The following KIF3A variants were observed in gnomAD, a reference collection of about 807,000 sequenced individuals.
KIF3A encodes kinesin-like protein KIF3A.
KIF3A carries 27 observed loss-of-function variants against 92.6 expected under a neutral mutation model. That is an observed-to-expected ratio of 0.29 (90% CI 0.21 to 0.40). The LOEUF (loss-of-function observed/expected upper bound fraction) is 0.40, where lower values mean the gene tolerates loss of function less well. Ranked by LOEUF, KIF3A falls within the 10% of genes least tolerant of loss-of-function variation. KIF3A has a pLI of 1.00. For synonymous variants in KIF3A, 250 were observed against 275.4 expected, an observed-to-expected ratio of 0.91 and a Z score of 0.92; for missense variants, 581 against 872.6, an observed-to-expected ratio of 0.67 and a Z score of 4.21.
intron 8 of KIF3A, among the ~76,000 whole-genome samples, chr5:132,714,177 G>A (rs958029122): frequency 3.3e-5 from 5 of 152,138 alleles, no homozygotes; most frequent in Admixed American, 6.5e-5. Flanking sequence ...GATTACAAGC[G>A]TGAGCCACTG....
In KIF3A at chr5:132,737,524, C is replaced by A; in HGVS notation, c.-105G>T. 1 of 1,354,954 alleles carries A rather than the reference C, an allele frequency of 7.4e-7. No homozygotes were observed. The allele number at this position is 1,354,954 out of a possible 1,614,324, so 83.9% of individuals were successfully genotyped here. ...AGAGACTACCGAAACACCTCGTTGA[C>A]GCTCTCGAGACTGCGGCTTCTCGGG... On this transcript the variant is annotated 5_prime_UTR_variant, in exon 1 of 19. Coordinates refer to ENST00000403231, the MANE Select transcript of KIF3A (RefSeq NM_001300791.2).
At position 132,695,172 on chromosome 5, in the gene KIF3A, A is replaced by G. The variant is rs1260055645; in HGVS notation, c.*1462T>C. The G allele has an allele frequency of 2.0e-5, 3 of 152,074 alleles. No homozygotes were observed. Among genetic ancestry groups the G allele is most frequent in the African/African-American group, 7.2e-5 (3 of 41,422 alleles). 9.4% of individuals were successfully genotyped at this position (152,074 alleles called of 1,614,324 possible). ...TTAGGAGTAGCATAACTTTATTTTT[A>G]TTTTATTTTTATTTTTTGAGGTGGA... On this transcript the variant is annotated 3_prime_UTR_variant, in exon 19 of 19. Coordinates refer to ENST00000403231, the MANE Select transcript of KIF3A (RefSeq NM_001300791.2).
At chr5:132,736,245 T>C (rs1053564982) in intron 1 of KIF3A, among the ~76,000 whole-genome samples, 1 of 152,228 alleles carries the variant, frequency 6.6e-6, no homozygotes, top group Non-Finnish European at 1.5e-5. Context: ...GTTCATAGTA[T>C]TTAAAGAGCT....
downstream of KIF3A, among the ~76,000 whole-genome samples, chr5:132,690,874 C>G (rs1752646538): frequency 6.6e-6 from 1 of 152,052 alleles, no homozygotes; most frequent in Non-Finnish European, 1.5e-5. Context: ...TTGCAGTGAG[C>G]TGAAATCGTG....
intron 2 of KIF3A, among the ~76,000 whole-genome samples, chr5:132,731,267 AT>A (rs981160919): frequency 6.6e-6 from 1 of 152,170 alleles, no homozygotes; most frequent in African/African-American, 2.4e-5. Context: ...GGATGCCAAA[AT>A]TTTTTTAATT....
At position 132,727,950 on chromosome 5, in the gene KIF3A, G is replaced by T. The variant is rs557065404; in HGVS notation, c.281-1452C>A. Reference sequence around the variant, plus strand: ...CATAACACACTTTTCAGACTTTTCCGTGAAAATAAATGAATCATACCAGAA... The same window carrying T: ...CATAACACACTTTTCAGACTTTTCCTTGAAAATAAATGAATCATACCAGAA... On this transcript the variant is annotated intron_variant, in intron 2 of 18. Transcript: ENST00000403231. Among the ~76,000 whole-genome samples the T allele has an allele frequency of 4.6e-5, 7 of 152,010 alleles. No homozygotes were observed. The East Asian group carries it at 9.7e-4, about 21-fold the overall frequency.
chr5:132,722,782 T>G (rs529930064), intron 4 of KIF3A, among the ~76,000 whole-genome samples: 1 of 152,194 alleles, frequency 6.6e-6, no homozygotes, highest in African/African-American at 2.4e-5. Context: ...TAAAAGACCA[T>G]GTCATTGGCA....
intron 1 of KIF3A, 52 bp downstream of exon 1, chr5:132,737,362 G>A (rs1052370105): frequency 3.2e-6 from 5 of 1,579,050 alleles, no homozygotes; most frequent in Non-Finnish European, 4.3e-6. Flanking sequence ...GCGCCCCCGG[G>A]CCAGGCCGCT....
intron 4 of KIF3A, among the ~76,000 whole-genome samples, chr5:132,721,166 T>G (rs1172613998): frequency 6.6e-6 from 1 of 152,066 alleles, no homozygotes; most frequent in Non-Finnish European, 1.5e-5. Flanking sequence ...GAAAAATAGG[T>G]GAGATATCTG....
downstream of KIF3A, among the ~76,000 whole-genome samples, chr5:132,690,102 G>C (rs774221366): frequency 9.9e-5 from 15 of 152,180 alleles, no homozygotes; most frequent in Admixed American, 2.6e-4. Flanking sequence ...TGTAGTACCA[G>C]CTACTTGGCA....
Position 132,733,216 on chromosome 5 carries a change from T to C in KIF3A, c.280+989A>G, listed in dbSNP as rs185319656. 3.7e-4 allele frequency among the ~76,000 whole-genome samples: 56 copies of C among 152,276 alleles called. No individual in the cohort carries two copies. The East Asian group carries it at 4.6e-3, about 13-fold the overall frequency. On this transcript the variant is annotated intron_variant, in intron 2 of 18. Transcript: ENST00000403231. ...AGACAGCGGTGACAGCTGTACGACA[T>C]TGTAAATGTACCTATGAACTATAAA...
intron 2 of KIF3A, among the ~76,000 whole-genome samples, chr5:132,728,774 T>TAAATAAATAAATAA (rs1561712265): frequency 6.8e-6 from 1 of 146,468 alleles, no homozygotes; most frequent in African/African-American, 2.7e-5. Flanking sequence ...TAAATAAATA[T>TAAATAAATAAATAA]AATAAACTAT....
rs1752842552 is a variant in KIF3A at position 132,696,520 on chromosome 5, A to G, written c.*114T>C. On this transcript the variant is annotated 3_prime_UTR_variant, in exon 19 of 19. Coordinates refer to ENST00000403231, the MANE Select transcript of KIF3A (RefSeq NM_001300791.2). ...TTATTATTTCCAGTCTTATTCATTG[A>G]TCTACAACTTCCATTAATTGAAATT... is the stretch of plus-strand genomic sequence containing the variant. The G allele has an allele frequency of 2.9e-6, 2 of 693,942 alleles. No homozygotes were observed. The highest frequency in any genetic ancestry group is 5.0e-5 in the East Asian group (2 of 39,708). The allele number at this position is 693,942 out of a possible 1,614,324, so 43.0% of individuals were successfully genotyped here. A position where few individuals can be genotyped will look rare whatever the true frequency, so the allele number is the denominator to read the frequency against.
At chr5:132,730,488 G>GA (rs1352299978) in intron 2 of KIF3A, among the ~76,000 whole-genome samples, 1 of 135,898 alleles carries the variant, frequency 7.4e-6, no homozygotes, top group Non-Finnish European at 1.5e-5. Flanking sequence ...AAAAAAAAAA[G>GA]AAAAAATAGA....
intron 8 of KIF3A, 96 bp from the exon 9 acceptor site, chr5:132,711,153 T>C: frequency 9.1e-7 from 1 of 1,098,056 alleles, no homozygotes; most frequent in Non-Finnish European, 1.4e-6. Flanking sequence ...AGATTTTTGT[T>C]ACTGCAAACA....
chr5:132,700,357 T>C, intron 16 of KIF3A, 73 bp from the exon 17 acceptor site: 1 of 912,202 alleles, frequency 1.1e-6, no homozygotes, highest in Non-Finnish European at 1.7e-6. Flanking sequence ...GGCAAATAAC[T>C]GAGAAATCCT....
chr5:132,690,687 G>A (rs889540739), downstream of KIF3A, among the ~76,000 whole-genome samples: 15 of 152,024 alleles, frequency 9.9e-5, no homozygotes, highest in Admixed American at 2.6e-4. Flanking sequence ...TAGCACTCTG[G>A]GAGGCCGAGG....
At chr5:132,733,560 G>C (rs1229881492) in intron 2 of KIF3A, among the ~76,000 whole-genome samples, 2 of 152,196 alleles carry the variant, frequency 1.3e-5, no homozygotes, top group African/African-American at 2.4e-5. Context: ...TTGAGCCTAG[G>C]AGTTCAAGAC....
intron 1 of KIF3A, among the ~76,000 whole-genome samples, chr5:132,736,389 A>G (rs1022805175): frequency 6.6e-6 from 1 of 152,224 alleles, no homozygotes; most frequent in African/African-American, 2.4e-5. Context: ...ATTCACCAGA[A>G]TCTACTTCTC....
Sources: allele counts gnomAD v4.1 joint callset (sites outside exome capture counted in the v4.1 genomes callset), GRCh38; gene constraint gnomAD v4.1.1; transcripts MANE v1.5; gene names NCBI Gene and HGNC (gene_info 2026-07-23, HGNC 2026-07-21).